The following SEC22B variants were observed in gnomAD, a reference collection of about 807,000 sequenced individuals.
SEC22B encodes the protein SEC22 homolog B, vesicle trafficking protein.
SEC22B carries 10 observed loss-of-function variants against 31.4 expected under a neutral mutation model. The observed-to-expected ratio is 0.32, with a 90% CI of 0.20 to 0.54. The LOEUF (loss-of-function observed/expected upper bound fraction) is 0.54, where lower values mean the gene tolerates loss of function less well. SEC22B is among the 20% of genes least tolerant of loss of function. The pLI is 0.94. For missense variants in SEC22B, 130 were observed against 263.4 expected (o/e 0.49, Z 3.50); for synonymous variants, 60 against 95.9 (o/e 0.63, Z 2.19).
chr1:120,169,909 T>C (rs1253627217), intron 1 of SEC22B, among the ~76,000 whole-genome samples: 24 of 150,232 alleles, frequency 1.6e-4, no homozygotes, highest in Non-Finnish European at 2.8e-4. Context: ...CCCAAAGTGA[T>C]GGTATTAAGA....
Position 120,152,009 on chromosome 1 carries a change from G to A in SEC22B, c.*5029C>T, listed in dbSNP as rs1458129614. The A allele has an allele frequency of 2.6e-5, 4 of 152,268 alleles. No individual in the cohort carries two copies. Among genetic ancestry groups the A allele is most frequent in the Non-Finnish European group, 5.9e-5 (4 of 68,060 alleles). 9.4% of individuals were successfully genotyped at this position (152,268 alleles called of 1,614,324 possible). The stretch of plus-strand genomic sequence containing the variant: ...TTTTATCTTTGAGAACAATGGAGTG[G>A]AGGTATGCTTTAGATGCAATTATTT... On this transcript the variant is annotated 3_prime_UTR_variant, in exon 5 of 5. Coordinates refer to ENST00000578049, the MANE Select transcript of SEC22B (RefSeq NM_004892.6).
Position 120,153,424 on chromosome 1 carries a change from A to G in SEC22B, c.*3614T>C, listed in dbSNP as rs1432199623. On this transcript the variant is annotated 3_prime_UTR_variant, in exon 5 of 5. Transcript: ENST00000578049. ...TGAGATATTTTATTATACATGTTTTATTAAACCCTATATGTGCAGAAATGA... is the reference window on the plus strand; with the variant it reads ...TGAGATATTTTATTATACATGTTTTGTTAAACCCTATATGTGCAGAAATGA... 6.6e-6 allele frequency: 1 copy of G among 151,356 alleles called. No homozygotes were observed. Among genetic ancestry groups the G allele is most frequent in the East Asian group, 1.9e-4 (1 of 5,168 alleles). 9.4% of individuals were successfully genotyped at this position (151,356 alleles called of 1,614,324 possible).
chr1:120,161,486 G>C (rs1657717060), intron 3 of SEC22B, among the ~76,000 whole-genome samples: 1 of 152,062 alleles, frequency 6.6e-6, no homozygotes, highest in Non-Finnish European at 1.5e-5. Flanking sequence ...TTGAGGCCAG[G>C]AATTCGAGAC....
chr1:120,163,643 T>C (rs1368587140), intron 2 of SEC22B, among the ~76,000 whole-genome samples: 3 of 150,972 alleles, frequency 2.0e-5, no homozygotes, highest in African/African-American at 7.4e-5. Context: ...TGGCATTATC[T>C]CGGCTCACTG....
intron 2 of SEC22B, among the ~76,000 whole-genome samples, chr1:120,165,789 AT>A (rs1457619031): frequency 6.6e-6 from 1 of 151,256 alleles, no homozygotes; most frequent in East Asian, 1.9e-4. Flanking sequence ...CATTTCCCCT[AT>A]GTTTTCTTCT....
chr1:120,170,681 ATGTC>A (rs1415284421), intron 1 of SEC22B, among the ~76,000 whole-genome samples: 6 of 146,432 alleles, frequency 4.1e-5, no homozygotes, highest in Middle Eastern at 3.4e-3. Flanking sequence ...TAACATATGT[ATGTC>A]TGTATGTATG....
chr1:120,170,724 A>G (rs1657882241), intron 1 of SEC22B, among the ~76,000 whole-genome samples: 1 of 146,144 alleles, frequency 6.8e-6, no homozygotes, highest in Non-Finnish European at 1.5e-5. Context: ...ACAGTACTTT[A>G]TAATAATTAT....
chr1:120,173,088 A>G (rs1570871432), intron 1 of SEC22B, among the ~76,000 whole-genome samples: 2 of 141,600 alleles, frequency 1.4e-5, no homozygotes, highest in Non-Finnish European at 3.1e-5. Flanking sequence ...GTCAAAGACC[A>G]GCAGCACCAA....
rs1456545058 is a variant in SEC22B at position 120,168,942 on chromosome 1, C to T, written c.83G>A (p.Arg28Gln). 5.2e-5 allele frequency: 58 copies of T among 1,120,400 alleles called. 1 individual carries two copies. Among genetic ancestry groups the T allele is most frequent in the Non-Finnish European group, 6.1e-5 (51 of 835,394 alleles). 69.4% of individuals were successfully genotyped at this position (1,120,400 alleles called of 1,614,324 possible). A position where few individuals can be genotyped will look rare whatever the true frequency, so the allele number is the denominator to read the frequency against. ...CTGACTCTGATATTGTTGAAGGTCC[C>T]GGCCAGACTGAAAGAAGACATCTTC... The part of the protein sequence containing the change: ...ASMQEDEQSG[R>Q]DLQQYQSQAK... Residue 28 changes from arginine (R) to glutamine (Q), a missense_variant, in exon 2 of 5, where the codon CGG (arginine) becomes CAG (glutamine). Around this residue, in one of 4 missense-constraint regions of SEC22B, gnomAD observed 41 missense variants for 124.9 expected, o/e 0.33. Transcript: ENST00000578049.
chr1:120,151,137 A>G lies in SEC22B; in HGVS notation c.*5901T>C, dbSNP rs1324803196. 2.6e-5 allele frequency: 4 copies of G among 152,214 alleles called. No homozygotes were observed. The highest frequency in any genetic ancestry group is 2.6e-4 in the Admixed American group (4 of 15,278). 9.4% of individuals were successfully genotyped at this position (152,214 alleles called of 1,614,324 possible). A position where few individuals can be genotyped will look rare whatever the true frequency, so the allele number is the denominator to read the frequency against. On this transcript the variant is annotated 3_prime_UTR_variant, in exon 5 of 5. Transcript: ENST00000578049. ...ATGCAAACCATAGCAGCAGGTTTAA[A>G]GGTAAAAGGATGGGAGAAAAGTACA... is the stretch of plus-strand genomic sequence containing the variant.
intron 1 of SEC22B, among the ~76,000 whole-genome samples, chr1:120,169,378 T>A (rs1657860638): frequency 2.0e-5 from 3 of 152,258 alleles, no homozygotes; most frequent in Non-Finnish European, 4.4e-5. Context: ...CCACAAGTGT[T>A]ACAGTTTTTA....
rs1164535385 is a variant in SEC22B, at chr1:120,152,903, G to C, written c.*4135C>G. 6.8e-6 allele frequency: 1 copy of C among 147,706 alleles called. No individual in the cohort carries two copies. The highest frequency in any genetic ancestry group is 2.1e-4 in the South Asian group (1 of 4,684). 9.1% of individuals were successfully genotyped at this position (147,706 alleles called of 1,614,324 possible). ...TTAACTTGCTAGCTATGTGACCTTG[G>C]GCAAGCAAAGAAACTCCTCATAACC... On this transcript the variant is annotated 3_prime_UTR_variant, in exon 5 of 5. Coordinates refer to ENST00000578049, the MANE Select transcript of SEC22B (RefSeq NM_004892.6).
chr1:120,159,794 G>T (rs1434894031), intron 4 of SEC22B, among the ~76,000 whole-genome samples: 27 of 152,098 alleles, frequency 1.8e-4, no homozygotes, highest in Non-Finnish European at 3.4e-4. Flanking sequence ...GGATAGTAAA[G>T]AAGCTGGTGT....
chr1:120,163,621 G>A (rs1248218395), intron 2 of SEC22B, among the ~76,000 whole-genome samples: 1 of 150,006 alleles, frequency 6.7e-6, no homozygotes, highest in African/African-American at 2.5e-5. Context: ...TGTCCCCTGG[G>A]CTGGAGTGCA....
At position 120,151,204 on chromosome 1, in the gene SEC22B, C is replaced by A. The variant is rs375603876; in HGVS notation, c.*5834G>T. ...AGAAAAGGCACAGAGTGAGCCAAGG[C>A]ACAAGGTAAAATGTTTGACTGGTTA... is the stretch of plus-strand genomic sequence containing the variant. On this transcript the variant is annotated 3_prime_UTR_variant, in exon 5 of 5. Coordinates refer to ENST00000578049, the MANE Select transcript of SEC22B (RefSeq NM_004892.6). 6.6e-6 allele frequency: 1 copy of A among 152,046 alleles called. No individual in the cohort carries two copies. The highest frequency in any genetic ancestry group is 1.5e-5 in the Non-Finnish European group (1 of 68,002). 9.4% of individuals were successfully genotyped at this position (152,046 alleles called of 1,614,324 possible).
At chr1:120,167,444 A>AT (rs1657829880) in intron 2 of SEC22B, among the ~76,000 whole-genome samples, 1 of 151,726 alleles carries the variant, frequency 6.6e-6, no homozygotes, top group Non-Finnish European at 1.5e-5. Flanking sequence ...AATCCTGTTC[A>AT]TTTTCATATG....
intron 1 of SEC22B, 101 bp from the exon 2 acceptor site, chr1:120,169,050 T>A (rs1657854129): frequency 2.5e-6 from 1 of 393,994 alleles, no homozygotes; most frequent in Non-Finnish European, 4.6e-6. Flanking sequence ...GTCCTTCATT[T>A]ACAGGTAAGT....
At chr1:120,170,619 T>G (rs1233074305) in intron 1 of SEC22B, among the ~76,000 whole-genome samples, 2 of 151,130 alleles carry the variant, frequency 1.3e-5, no homozygotes, top group Non-Finnish European at 2.9e-5. Context: ...TTATGGCAAT[T>G]ATTTGTTTTA....
chr1:120,171,974 G>A (rs1657902022), intron 1 of SEC22B, among the ~76,000 whole-genome samples: 1 of 149,374 alleles, frequency 6.7e-6, no homozygotes, highest in Non-Finnish European at 1.5e-5. Flanking sequence ...TGGGTATGGG[G>A]GTTCACGCCT....
Sources: allele counts gnomAD v4.1 joint callset (sites outside exome capture counted in the v4.1 genomes callset), GRCh38; gene constraint gnomAD v4.1.1; regional missense constraint gnomAD v4.1.1; transcripts MANE v1.5; gene names NCBI Gene and HGNC (gene_info 2026-07-23, HGNC 2026-07-21).